The following TLE4 variants were observed in gnomAD, a reference collection of about 807,000 sequenced individuals.
TLE4 encodes transducin-like enhancer protein 4.
A neutral mutation model predicts 92.8 loss-of-function variants in TLE4; 8 were observed. That is an observed-to-expected ratio of 0.09 (90% CI 0.05 to 0.16). The LOEUF is 0.16. Ranked by LOEUF, TLE4 falls within the 10% of genes least tolerant of loss-of-function variation. The probability of loss-of-function intolerance (pLI) is 1.00; values close to 1 mark genes in which losing one functional copy is unlikely to be tolerated. For missense variants in TLE4, 675 were observed against 997.6 expected, an observed-to-expected ratio of 0.68 and a Z score of 4.36; for synonymous variants, 371 against 374.1, an observed-to-expected ratio of 0.99 and a Z score of 0.10.
chr9:79,592,841 G>C (rs1228337384), intron 4 of TLE4, among the ~76,000 whole-genome samples: 3 of 152,118 alleles, frequency 2.0e-5, no homozygotes, highest in African/African-American at 7.2e-5. Flanking sequence ...TTTAAGTTGA[G>C]AAATTTCATG....
intron 6 of TLE4, among the ~76,000 whole-genome samples, chr9:79,642,606 C>A (rs1273853198): frequency 2.6e-5 from 4 of 152,032 alleles, no homozygotes; most frequent in African/African-American, 9.7e-5. Context: ...AATTGTATTT[C>A]CATTATTAAT....
intron 8 of TLE4, among the ~76,000 whole-genome samples, chr9:79,655,596 T>C (rs1214447641): frequency 1.3e-5 from 2 of 152,250 alleles, no homozygotes; most frequent in African/African-American, 4.8e-5. Flanking sequence ...AATTATTTAA[T>C]TATGCATTTG....
chr9:79,580,811 T>C (rs1447815294), intron 4 of TLE4, among the ~76,000 whole-genome samples: 1 of 151,980 alleles, frequency 6.6e-6, no homozygotes, highest in African/African-American at 2.4e-5. Flanking sequence ...AAGTAACTAA[T>C]AAATGAAGAT....
chr9:79,696,800 T>C (rs2068377796), intron 8 of TLE4, among the ~76,000 whole-genome samples: 1 of 152,206 alleles, frequency 6.6e-6, no homozygotes, highest in African/African-American at 2.4e-5. Context: ...TACTTCAGCT[T>C]TGTCAAAGCA....
At position 79,652,487 on chromosome 9, in the gene TLE4, G is replaced by C. The variant is rs932284399; in HGVS notation, c.391-106G>C. 8 of 1,279,918 alleles carry C rather than the reference G, an allele frequency of 6.3e-6. No individual in the cohort carries two copies. The African/African-American group carries it at 8.8e-5, about 14-fold the overall frequency. 79.3% of individuals were successfully genotyped at this position (1,279,918 alleles called of 1,614,324 possible). ...CAGGCGTGAGCCACCGTGCCCAGCCGGTGTTGGCTTTTTTACTGCCGATTT... is the reference window on the plus strand; with the variant it reads ...CAGGCGTGAGCCACCGTGCCCAGCCCGTGTTGGCTTTTTTACTGCCGATTT... On this transcript the variant is annotated intron_variant, in intron 6 of 19. Transcript: ENST00000376552.
At chr9:79,617,315 T>C (rs1003947365) in intron 5 of TLE4, among the ~76,000 whole-genome samples, 16 of 152,200 alleles carry the variant, frequency 1.1e-4, no homozygotes, top group African/African-American at 3.9e-4. Flanking sequence ...GCAGGAAATA[T>C]TGTGCACTTA....
intron 4 of TLE4, among the ~76,000 whole-genome samples, chr9:79,589,128 A>ACACTCAGAAACTCTGCTC (rs2041927746): frequency 6.6e-6 from 1 of 152,202 alleles, no homozygotes; most frequent in Non-Finnish European, 1.5e-5. Flanking sequence ...AGTAGTGCCA[A>ACACTCAGAAACTCTGCTC]CACTCAGAAA....
intron 6 of TLE4, among the ~76,000 whole-genome samples, chr9:79,650,660 G>A (rs2058798813): frequency 6.6e-6 from 1 of 152,138 alleles, no homozygotes; most frequent in Non-Finnish European, 1.5e-5. Flanking sequence ...TAAATGAAGA[G>A]AATCACCTTA....
chr9:79,722,325 T>C, intron 17 of TLE4, 126 bp from the exon 18 acceptor site: 1 of 1,211,542 alleles, frequency 8.3e-7, no homozygotes, highest in Non-Finnish European at 1.1e-6. Context: ...GGTTCTCCCC[T>C]GTACAATTCA....
intron 8 of TLE4, among the ~76,000 whole-genome samples, chr9:79,678,683 A>G (rs899572255): frequency 2.6e-5 from 4 of 151,866 alleles, no homozygotes; most frequent in African/African-American, 9.7e-5. Context: ...CAGGTTTGTT[A>G]CATATGTATA....
intron 5 of TLE4, among the ~76,000 whole-genome samples, chr9:79,615,873 G>C (rs1305266425): frequency 2.0e-5 from 3 of 152,152 alleles, no homozygotes; most frequent in Non-Finnish European, 4.4e-5. Flanking sequence ...ACTGCTTCCA[G>C]CGTTACAGGC....
rs1158331394 is a variant in TLE4 at position 79,720,399 on chromosome 9, T to G, written c.1838+106T>G. 1.2e-5 allele frequency: 15 copies of G among 1,200,382 alleles called. No individual in the cohort carries two copies. Among genetic ancestry groups the G allele is most frequent in the African/African-American group, 4.6e-5 (3 of 64,814 alleles). The allele number at this position is 1,200,382 out of a possible 1,614,324, so 74.4% of individuals were successfully genotyped here. A position where few individuals can be genotyped will look rare whatever the true frequency, so the allele number is the denominator to read the frequency against. On this transcript the variant is annotated intron_variant, in intron 16 of 19. Transcript: ENST00000376552. ...ATGGGTGTGTGTGTGTGTGTGTGTG[T>G]GTGTGTGTGTGTGTGTGTGTGTGTG... is the stretch of plus-strand genomic sequence containing the variant.
intron 8 of TLE4, among the ~76,000 whole-genome samples, chr9:79,690,204 G>A (rs891372126): frequency 6.6e-6 from 1 of 152,136 alleles, no homozygotes; most frequent in Non-Finnish European, 1.5e-5. Flanking sequence ...CCTCAGTGCA[G>A]ATTTGGGTCC....
intron 8 of TLE4, among the ~76,000 whole-genome samples, chr9:79,664,820 A>T (rs1353469026): frequency 1.3e-5 from 2 of 151,776 alleles, no homozygotes; most frequent in Non-Finnish European, 2.9e-5. Context: ...TCACTTGTAA[A>T]CTGTTTTGCT....
intron 8 of TLE4, among the ~76,000 whole-genome samples, chr9:79,696,927 A>G (rs2068417995): frequency 6.6e-6 from 1 of 152,100 alleles, no homozygotes; most frequent in Non-Finnish European, 1.5e-5. Flanking sequence ...AACCCTCTCC[A>G]CTTTTGTTTT....
intron 5 of TLE4, among the ~76,000 whole-genome samples, chr9:79,614,357 T>C (rs1024964180): frequency 2.0e-5 from 3 of 152,142 alleles, no homozygotes; most frequent in African/African-American, 7.2e-5. Flanking sequence ...CTGTGGGTTG[T>C]GTTCAGAAGT....
chr9:79,676,050 C>T (rs1307214173), intron 8 of TLE4, among the ~76,000 whole-genome samples: 1 of 152,096 alleles, frequency 6.6e-6, no homozygotes, highest in African/African-American at 2.4e-5. Context: ...GATTAGATAA[C>T]AGGCATCACA....
chr9:79,693,345 C>T (rs2067482094), intron 8 of TLE4, among the ~76,000 whole-genome samples: 1 of 152,152 alleles, frequency 6.6e-6, no homozygotes, highest in African/African-American at 2.4e-5. Context: ...TGCTAATAAC[C>T]TCTCCAGTCT....
At chr9:79,713,059 A>C (rs7031701) in intron 14 of TLE4, among the ~76,000 whole-genome samples, 135,002 of 152,240 alleles carry the variant, frequency 0.89, 59,847 homozygotes, top group Admixed American at 0.9. Flanking sequence ...TACTTAGAAC[A>C]GAATTTTCTA....
Sources: allele counts gnomAD v4.1 joint callset (sites outside exome capture counted in the v4.1 genomes callset), GRCh38; gene constraint gnomAD v4.1.1; transcripts MANE v1.5; gene names NCBI Gene and HGNC (gene_info 2026-07-23, HGNC 2026-07-21).